The following TRPV4 variants were observed in gnomAD, a reference collection of about 807,000 sequenced individuals.
TRPV4 encodes transient receptor potential cation channel subfamily V member 4.
TRPV4 carries 58 observed loss-of-function variants against 84.1 expected under a neutral mutation model. The ratio of observed to expected loss-of-function variants is 0.69; its 90% CI spans 0.56 to 0.86. The LOEUF (loss-of-function observed/expected upper bound fraction) is 0.86. Among genes scored for constraint, TRPV4 ranks in the 40% least tolerant of loss-of-function variants. TRPV4 has a pLI of 0.00. For missense variants in TRPV4, 879 were observed against 1,181.1 expected (o/e 0.74, Z 3.75); for synonymous variants, 489 against 500.9 (o/e 0.98, Z 0.32).
chr12:109,820,094 C>A (rs1404539539), intron 1 of TRPV4, among the ~76,000 whole-genome samples: 1 of 152,166 alleles, frequency 6.6e-6, no homozygotes, highest in African/African-American at 2.4e-5. Context: ...ATGTGCCAGG[C>A]ACTGTGCTAG....
At chr12:109,810,832 G>A (rs1301119036) in intron 2 of TRPV4, among the ~76,000 whole-genome samples, 1 of 152,158 alleles carries the variant, frequency 6.6e-6, no homozygotes, top group Non-Finnish European at 1.5e-5. Context: ...TAGGGGTGGG[G>A]AGGAGGGCTT....
Position 109,786,600 on chromosome 12 carries a change from C to A in TRPV4, c.2336+110G>T. 1 of 1,454,160 alleles carries A rather than the reference C, an allele frequency of 6.9e-7. No individual in the cohort carries two copies. The highest frequency in any genetic ancestry group is 9.4e-7 in the Non-Finnish European group (1 of 1,063,242). The allele number at this position is 1,454,160 out of a possible 1,614,324, so 90.1% of individuals were successfully genotyped here. A position where few individuals can be genotyped will look rare whatever the true frequency, so the allele number is the denominator to read the frequency against. On this transcript the variant is annotated intron_variant, in intron 14 of 15. Transcript: ENST00000261740. This position sits in a 1 kb window ranked among gnomAD's most constrained non-coding sequence, Gnocchi z 4.5. Reference sequence around the variant, plus strand: ...GAACTCTGCTCGGGCCTCTTGGGGCCTCAGTGGCTCCAGAAATTGCAATGG... The same window carrying A: ...GAACTCTGCTCGGGCCTCTTGGGGCATCAGTGGCTCCAGAAATTGCAATGG...
At chr12:109,822,062 TGAGGAG>T (rs950226202) in intron 1 of TRPV4, among the ~76,000 whole-genome samples, 1 of 151,198 alleles carries the variant, frequency 6.6e-6, no homozygotes, top group East Asian at 1.9e-4. Context: ...GGAAAGGCTG[TGAGGAG>T]GAGGAGGAGG....
chr12:109,818,887 C>T (rs1891975168), intron 1 of TRPV4, among the ~76,000 whole-genome samples: 1 of 152,144 alleles, frequency 6.6e-6, no homozygotes, highest in South Asian at 2.1e-4. Flanking sequence ...TCATTCAATC[C>T]CCCGAAGAAC....
intron 15 of TRPV4, 118 bp downstream of exon 15, chr12:109,784,198 C>T: frequency 6.6e-7 from 1 of 1,508,438 alleles, no homozygotes; most frequent in South Asian, 1.1e-5. Context: ...AGCTCAGGGG[C>T]ACACTCTCTC....
intron 4 of TRPV4, among the ~76,000 whole-genome samples, chr12:109,802,416 C>T (rs1296318454): frequency 6.6e-6 from 1 of 151,836 alleles, no homozygotes. Flanking sequence ...ATTCTCCTGC[C>T]TCAGCCTCCC....
rs1204624698 is a variant in TRPV4, at chr12:109,803,257, T to C, written c.560-114A>G. 6 of 1,265,836 alleles carry C rather than the reference T, an allele frequency of 4.7e-6. No individual in the cohort carries two copies. The East Asian group carries it at 1.5e-4, about 32-fold the overall frequency. The allele number at this position is 1,265,836 out of a possible 1,614,324, so 78.4% of individuals were successfully genotyped here. A position where few individuals can be genotyped will look rare whatever the true frequency, so the allele number is the denominator to read the frequency against. On this transcript the variant is annotated intron_variant, in intron 3 of 15. Transcript: ENST00000261740. ...GTCAGATGTCCTGGCTGTCAACATC[T>C]CCTCTCCAAGCCTGTTTCCTCATCT...
chr12:109,804,229 T>G (rs1032860670), intron 3 of TRPV4, among the ~76,000 whole-genome samples: 5 of 152,222 alleles, frequency 3.3e-5, no homozygotes, highest in Admixed American at 6.5e-5. Flanking sequence ...GTTGTAGCTA[T>G]TTTTATGGTT....
chr12:109,786,822 G>A lies in TRPV4; in HGVS notation c.2224C>T (p.Leu742=), dbSNP rs2080473834. The part of the protein sequence containing the change: ...IWKLQWATTI[L]DIERSFPVFL... ...ACGGGGAAGGAGCGCTCAATGTCCAGGATGGTGGTGGCCCACTGCGGGGAG... is the reference window on the plus strand; with the variant it reads ...ACGGGGAAGGAGCGCTCAATGTCCAAGATGGTGGTGGCCCACTGCGGGGAG... The change falls in exon 14 of 16, where the codon CTG becomes TTG. Residue 742 remains leucine, a synonymous_variant. Coordinates refer to ENST00000261740, the MANE Select transcript of TRPV4 (RefSeq NM_021625.5). This position sits in a 1 kb window ranked among gnomAD's most constrained non-coding sequence, Gnocchi z 4.5. The A allele has an allele frequency of 6.2e-7, 1 of 1,613,870 alleles. No homozygotes were observed. The highest frequency in any genetic ancestry group is 1.7e-5 in the Admixed American group (1 of 60,000).
chr12:109,806,785 C>T (rs1387092341), intron 3 of TRPV4, among the ~76,000 whole-genome samples: 1 of 146,460 alleles, frequency 6.8e-6, no homozygotes, highest in East Asian at 2.0e-4. Context: ...TGCTTGAGGC[C>T]AGAAGTTCAA....
At chr12:109,784,288 T>G in intron 15 of TRPV4, 28 bp downstream of exon 15, 1 of 1,613,660 alleles carries the variant, frequency 6.2e-7, no homozygotes, top group Non-Finnish European at 8.5e-7. Context: ...GGACTGGGGC[T>G]CCCCTCCGCA....
chr12:109,810,225 TCA>T (rs1891435989), intron 2 of TRPV4, among the ~76,000 whole-genome samples: 1 of 152,226 alleles, frequency 6.6e-6, no homozygotes, highest in Non-Finnish European at 1.5e-5. Flanking sequence ...GCTCTCTCTG[TCA>T]CATTCTTACC....
At position 109,798,045 on chromosome 12, in the gene TRPV4, GC is replaced by G. The variant is rs1408260139; in HGVS notation, c.1152+568del. Reference sequence around the variant, plus strand: ...ACTTGGTTCCCAATCCAGCGATGGTGCCCCCCAGAGGACAATTCAGCAATGT... The same window carrying G: ...ACTTGGTTCCCAATCCAGCGATGGTGCCCCCAGAGGACAATTCAGCAATGT... On this transcript the variant is annotated intron_variant, in intron 6 of 15. Coordinates refer to ENST00000261740, the MANE Select transcript of TRPV4 (RefSeq NM_021625.5). This position sits in a 1 kb window ranked among gnomAD's most constrained non-coding sequence, Gnocchi z 5.0. Among the ~76,000 whole-genome samples the G allele has an allele frequency of 5.9e-5, 9 of 152,154 alleles. No homozygotes were observed. Among genetic ancestry groups the G allele is most frequent in the Non-Finnish European group, 1.2e-4 (8 of 68,036 alleles).
Position 109,808,310 on chromosome 12 carries a change from T to A in TRPV4, c.545A>T (p.Asp182Val). The stretch of plus-strand genomic sequence containing the variant: ...GGGTGGCTCACCTCGAAACTCCTCA[T>A]CAGTTAGGCGTTTCTTGTGGGTCAG... ...FLLTHKKRLT[D>V]EEFREPSTGK... Residue 182 changes from aspartate (D) to valine (V), a missense_variant, in exon 3 of 16, where the codon GAT (aspartate) becomes GTT (valine). Physicochemically the swap from Asp to Val is radical, Grantham distance 152. Transcript: ENST00000261740. 6.2e-7 allele frequency: 1 copy of A among 1,614,122 alleles called. No individual in the cohort carries two copies. The highest frequency in any genetic ancestry group is 1.1e-5 in the South Asian group (1 of 91,084).
At chr12:109,809,041 T>C (rs371021509) in intron 2 of TRPV4, among the ~76,000 whole-genome samples, 4 of 110,856 alleles carry the variant, frequency 3.6e-5, no homozygotes, top group African/African-American at 6.5e-5. Context: ...CACCCACCCA[T>C]CCATCCATCC....
chr12:109,795,538 T>C (rs917082268), intron 7 of TRPV4, among the ~76,000 whole-genome samples: 1 of 152,170 alleles, frequency 6.6e-6, no homozygotes, highest in Non-Finnish European at 1.5e-5. Context: ...TCATGATTTG[T>C]GCAATAAAGC....
chr12:109,794,700 G>A (rs1315623289), intron 7 of TRPV4, among the ~76,000 whole-genome samples: 3 of 152,106 alleles, frequency 2.0e-5, no homozygotes, highest in Admixed American at 6.6e-5. Context: ...CACAGAACTC[G>A]GAACTGGAAA....
intron 8 of TRPV4, 41 bp downstream of exon 8, chr12:109,794,288 C>T: frequency 6.2e-7 from 1 of 1,607,026 alleles, no homozygotes; most frequent in Non-Finnish European, 8.5e-7. Flanking sequence ...TGGCTCAGCC[C>T]AGTGCCTGCC....
Position 109,814,301 on chromosome 12 carries a change from A to C in TRPV4, c.386+110T>G. The C allele has an allele frequency of 8.0e-7, 1 of 1,250,872 alleles. No individual in the cohort carries two copies. 77.5% of individuals were successfully genotyped at this position (1,250,872 alleles called of 1,614,324 possible). A position where few individuals can be genotyped will look rare whatever the true frequency, so the allele number is the denominator to read the frequency against. On this transcript the variant is annotated intron_variant, in intron 2 of 15. Coordinates refer to ENST00000261740, the MANE Select transcript of TRPV4 (RefSeq NM_021625.5). The surrounding 1 kb of genome is among the most constrained non-coding windows in gnomAD (Gnocchi z 5.4). ...TATGGATGGTTGGATGGACAGATGG[A>C]TGGATGGATGAATCGACGGATGGGT...
Sources: gnomAD v4.1 joint callset for allele counts (sites outside exome capture counted in the v4.1 genomes callset) on GRCh38, gnomAD v4.1.1 for gene constraint, Gnocchi (gnomAD v3.1) non-coding constraint, MANE v1.5 for transcripts, NCBI Gene and HGNC (gene_info 2026-07-23, HGNC 2026-07-21) for gene names.